The following CTNNA3 variants were observed in gnomAD, a reference collection of about 807,000 sequenced individuals.
The protein encoded by CTNNA3 is catenin alpha 3, also known as catenin alpha-3.
A neutral mutation model predicts 95.7 loss-of-function variants in CTNNA3; 76 were observed. That is an observed-to-expected ratio of 0.79 (90% confidence interval 0.66 to 0.96). The LOEUF is 0.96. Among genes scored for constraint, CTNNA3 ranks in the 40% least tolerant of loss-of-function variants. The pLI is 0.00. For synonymous variants in CTNNA3, 431 were observed against 374.4 expected, an observed-to-expected ratio of 1.15 and a Z score of -1.74; for missense variants, 1,191 against 1,089.8, an observed-to-expected ratio of 1.09 and a Z score of -1.31.
chr10:66,560,256 T>C (rs1184586429), intron 10 of CTNNA3, among the ~76,000 whole-genome samples: 1 of 151,702 alleles, frequency 6.6e-6, no homozygotes, highest in African/African-American at 2.4e-5. Context: ...GGTTTTGAAT[T>C]TGGAGATAGA....
chr10:67,688,795 G>T (rs1356034150), intron 1 of CTNNA3, among the ~76,000 whole-genome samples: 1 of 152,160 alleles, frequency 6.6e-6, no homozygotes, highest in East Asian at 1.9e-4. Flanking sequence ...GGACCCTGCT[G>T]ATTGGAATAG....
At chr10:67,377,157 A>C (rs557695315) in intron 5 of CTNNA3, among the ~76,000 whole-genome samples, 1 of 152,320 alleles carries the variant, frequency 6.6e-6, no homozygotes, top group South Asian at 2.1e-4. Context: ...ACCCTGCTAA[A>C]CTTTATGTAA....
intron 7 of CTNNA3, among the ~76,000 whole-genome samples, chr10:67,026,149 C>G (rs1030422735): frequency 1.3e-5 from 2 of 150,504 alleles, no homozygotes; most frequent in African/African-American, 4.9e-5. Context: ...AGGAGATATA[C>G]CTAATGCTAA....
intron 7 of CTNNA3, among the ~76,000 whole-genome samples, chr10:67,016,856 C>A (rs1852690896): frequency 6.6e-6 from 1 of 152,078 alleles, no homozygotes; most frequent in African/African-American, 2.4e-5. Flanking sequence ...AAGAAAAACA[C>A]CTCTATAACA....
intron 11 of CTNNA3, among the ~76,000 whole-genome samples, chr10:66,503,884 G>T (rs1189287093): frequency 6.6e-6 from 1 of 152,076 alleles, no homozygotes; most frequent in African/African-American, 2.4e-5. Flanking sequence ...TAGGCAGTTT[G>T]TAAGAACATA....
At chr10:67,639,581 C>G (rs1839450274) in intron 2 of CTNNA3, among the ~76,000 whole-genome samples, 1 of 151,708 alleles carries the variant, frequency 6.6e-6, no homozygotes. Flanking sequence ...CAATATCTCT[C>G]ATGAACATCG....
At chr10:67,483,367 C>T (rs1190715425) in intron 5 of CTNNA3, among the ~76,000 whole-genome samples, 3 of 144,234 alleles carry the variant, frequency 2.1e-5, no homozygotes, top group Non-Finnish European at 4.4e-5. Context: ...GGAACCAACC[C>T]AAATGTCCAA....
chr10:67,218,495 C>G (rs768481981), intron 6 of CTNNA3, among the ~76,000 whole-genome samples: 4 of 152,138 alleles, frequency 2.6e-5, no homozygotes, highest in Non-Finnish European at 4.4e-5. Context: ...CTAGGCTTTG[C>G]GGGTCTAGCT....
chr10:66,005,854 A>G (rs967147537), intron 15 of CTNNA3, among the ~76,000 whole-genome samples: 1 of 152,018 alleles, frequency 6.6e-6, no homozygotes, highest in African/African-American at 2.4e-5. Flanking sequence ...TTCAAATACT[A>G]TATAAATACT....
chr10:67,249,687 CA>C (rs1866032338), intron 5 of CTNNA3, among the ~76,000 whole-genome samples: 1 of 152,198 alleles, frequency 6.6e-6, no homozygotes, highest in Admixed American at 6.5e-5. Context: ...CAATTATTAT[CA>C]TTAAAGGTGG....
chr10:66,216,015 A>C (rs2088507570), intron 13 of CTNNA3, among the ~76,000 whole-genome samples: 1 of 152,216 alleles, frequency 6.6e-6, no homozygotes, highest in Non-Finnish European at 1.5e-5. Flanking sequence ...TACTGGCCTC[A>C]TTGTATGTGG....
At chr10:67,228,469 A>G (rs994100478) in intron 5 of CTNNA3, among the ~76,000 whole-genome samples, 17 of 151,926 alleles carry the variant, frequency 1.1e-4, no homozygotes, top group African/African-American at 3.9e-4. Context: ...AAAAATTAGC[A>G]GGGCGTGGTG....
chr10:66,087,430 C>T (rs2081028112), intron 14 of CTNNA3, among the ~76,000 whole-genome samples: 1 of 152,120 alleles, frequency 6.6e-6, no homozygotes, highest in African/African-American at 2.4e-5. Flanking sequence ...TTGGCATCTA[C>T]TGGGTAGAGA....
intron 5 of CTNNA3, among the ~76,000 whole-genome samples, chr10:67,348,404 T>C (rs1453449638): frequency 6.6e-6 from 1 of 152,122 alleles, no homozygotes. Flanking sequence ...TATGTATTAG[T>C]CCATTCTGCA....
chr10:66,797,729 C>T (rs1202477927), intron 7 of CTNNA3, among the ~76,000 whole-genome samples: 1 of 151,852 alleles, frequency 6.6e-6, no homozygotes, highest in African/African-American at 2.4e-5. Context: ...ATTGTCCTTG[C>T]CCTAGACCTC....
chr10:66,759,544 A>C (rs554059508), intron 9 of CTNNA3, among the ~76,000 whole-genome samples: 3 of 152,342 alleles, frequency 2.0e-5, no homozygotes, highest in Non-Finnish European at 4.4e-5. Context: ...CTAAGAAACA[A>C]AAACAAAGGT....
intron 1 of CTNNA3, among the ~76,000 whole-genome samples, chr10:67,703,481 C>A (rs1192191430): frequency 6.6e-6 from 1 of 152,114 alleles, no homozygotes; most frequent in East Asian, 1.9e-4. Flanking sequence ...ATACGCAAAT[C>A]AATAAATGTA....
intron 7 of CTNNA3, among the ~76,000 whole-genome samples, chr10:66,915,991 C>T (rs1846474106): frequency 6.6e-6 from 1 of 152,100 alleles, no homozygotes; most frequent in South Asian, 2.1e-4. Context: ...TGGTGATCTG[C>T]TCACCTTGGC....
At chr10:65,984,761 G>T (rs1564558392) in intron 16 of CTNNA3, among the ~76,000 whole-genome samples, 1 of 151,202 alleles carries the variant, frequency 6.6e-6, no homozygotes, top group Non-Finnish European at 1.5e-5. Flanking sequence ...AGAAAAAAAT[G>T]GGAGGAAGCA....
Sources: gnomAD v4.1 joint callset for allele counts (sites outside exome capture counted in the v4.1 genomes callset) on GRCh38, gnomAD v4.1.1 for gene constraint, MANE v1.5 for transcripts, NCBI Gene and HGNC (gene_info 2026-07-23, HGNC 2026-07-21) for gene names.